MOSPD2: variants seen among roughly 807,000 people sequenced by gnomAD.
MOSPD2 encodes the protein motile sperm domain containing 2, also known as motile sperm domain-containing protein 2.
A neutral mutation model predicts 41.7 loss-of-function variants in MOSPD2; 5 were observed. The ratio of observed to expected loss-of-function variants is 0.12; its 90% CI spans 0.06 to 0.25. MOSPD2 has a LOEUF of 0.25. Among genes scored for constraint, MOSPD2 ranks in the 10% least tolerant of loss-of-function variants. The pLI, the probability that MOSPD2 is intolerant of heterozygous loss-of-function variation, is 1.00. For synonymous variants in MOSPD2, 115 were observed against 126.9 expected (o/e 0.91, Z 0.63); for missense variants, 282 against 375.2 (o/e 0.75, Z 2.05).
intron 3 of MOSPD2, among the ~76,000 whole-genome samples, chrX:14,893,578 C>G (rs753649518): frequency 3.6e-5 from 4 of 112,026 alleles, no homozygotes; most frequent in Non-Finnish European, 7.5e-5. Context: ...GGCATAACTT[C>G]TGTTTTCAGT....
chrX:14,882,646 G>A (rs1296685050), intron 2 of MOSPD2, among the ~76,000 whole-genome samples: 3 of 111,337 alleles, frequency 2.7e-5, no homozygotes, highest in African/African-American at 9.8e-5. Context: ...ACCAATTTTT[G>A]TCCTTATTAC....
At position 14,897,155 on chromosome X, in the gene MOSPD2, T is replaced by A; in HGVS notation, c.394T>A (p.Trp132Arg). 8.3e-7 allele frequency: 1 copy of A among 1,207,273 alleles called. No homozygotes were observed. The highest frequency in any genetic ancestry group is 1.1e-6 in the Non-Finnish European group (1 of 891,671). Residue 132 changes from tryptophan (W) to arginine (R), a missense_variant, in exon 5 of 15, where the codon TGG becomes AGG. Physicochemically the swap from Trp to Arg is moderately radical, Grantham distance 101. Coordinates refer to ENST00000380492, the MANE Select transcript of MOSPD2 (RefSeq NM_152581.4). Reference protein sequence around the residue: ...ILDKKKLIAFWLERYAKRENG... With the variant: ...ILDKKKLIAFRLERYAKRENG... ...GGACAAAAAGAAGCTCATAGCATTC[T>A]GGTTGGAACGTTATGCTAAGAGGGA...
intron 2 of MOSPD2, among the ~76,000 whole-genome samples, chrX:14,882,355 G>T (rs751101376): frequency 9.0e-6 from 1 of 110,902 alleles, no homozygotes; most frequent in Non-Finnish European, 1.9e-5. Flanking sequence ...GGGTTGAGGC[G>T]GGAGATTCAA....
At chrX:14,904,079 G>A (rs2092577666) in intron 7 of MOSPD2, among the ~76,000 whole-genome samples, 1 of 112,062 alleles carries the variant, frequency 8.9e-6, no homozygotes, top group African/African-American at 3.2e-5. Context: ...AATATTTAAA[G>A]AAGAATCAAC....
intron 2 of MOSPD2, among the ~76,000 whole-genome samples, chrX:14,883,067 T>C (rs1306618138): frequency 1.8e-5 from 2 of 110,244 alleles, no homozygotes; most frequent in Non-Finnish European, 3.8e-5. Context: ...TGGTGGTGGG[T>C]GCCTGTAATC....
intron 4 of MOSPD2, among the ~76,000 whole-genome samples, chrX:14,895,607 A>T (rs2092561696): frequency 8.9e-6 from 1 of 111,983 alleles, no homozygotes; most frequent in Admixed American, 9.5e-5. Flanking sequence ...ATAAAGGCAA[A>T]AAATAAATGC....
intron 1 of MOSPD2, 37 bp downstream of exon 1, chrX:14,873,574 C>T (rs1202305025): frequency 1.7e-6 from 2 of 1,210,070 alleles, no homozygotes; most frequent in Non-Finnish European, 2.2e-6. Context: ...GCCCCCCGGA[C>T]CCGGAAGCCG....
intron 2 of MOSPD2, among the ~76,000 whole-genome samples, chrX:14,876,978 A>G (rs2092521511): frequency 1.8e-5 from 2 of 112,099 alleles, no homozygotes; most frequent in South Asian, 3.6e-4. Context: ...TCAGCCAGGT[A>G]GAGAAGGTGA....
chrX:14,901,795 C>T (rs2092573627), intron 6 of MOSPD2, among the ~76,000 whole-genome samples: 1 of 110,357 alleles, frequency 9.1e-6, no homozygotes, highest in Non-Finnish European at 1.9e-5. Context: ...GAAAAAATAT[C>T]CACTTGATCA....
At chrX:14,893,370 G>A (rs1164803366) in intron 3 of MOSPD2, 3 of 111,682 alleles carry the variant, frequency 2.7e-5, no homozygotes, top group Non-Finnish European at 5.6e-5. Context: ...TCTGTATATT[G>A]TTTTTATTTT....
intron 2 of MOSPD2, among the ~76,000 whole-genome samples, chrX:14,885,941 G>C (rs973395008): frequency 1.8e-5 from 2 of 111,684 alleles, no homozygotes; most frequent in African/African-American, 6.5e-5. Flanking sequence ...TCTACTAGGG[G>C]ATAGACTTGT....
At chrX:14,890,066 A>G (rs901614437) in intron 2 of MOSPD2, among the ~76,000 whole-genome samples, 1 of 111,756 alleles carries the variant, frequency 8.9e-6, no homozygotes, top group Non-Finnish European at 1.9e-5. Flanking sequence ...CTAAGATATC[A>G]TTTGCCTTTT....
At chrX:14,897,347 T>A (rs1201674277) in intron 5 of MOSPD2, 109 bp downstream of exon 5, 1 of 586,666 alleles carries the variant, frequency 1.7e-6, no homozygotes, top group Non-Finnish European at 2.6e-6. Context: ...AACTAACTTA[T>A]ATTAGGGATT....
At position 14,916,187 on chromosome X, in the gene MOSPD2, T is replaced by G; in HGVS notation, c.1187-10T>G. The G allele has an allele frequency of 8.3e-7, 1 of 1,211,541 alleles. No homozygotes were observed. The highest frequency in any genetic ancestry group is 1.1e-6 in the Non-Finnish European group (1 of 895,304). ...CTGTTTATATGCTGAATTACCCTTTTGGAATGCAGGTTTAACAGTCTCTGC... is the reference window on the plus strand; with the variant it reads ...CTGTTTATATGCTGAATTACCCTTTGGGAATGCAGGTTTAACAGTCTCTGC... On this transcript the variant is annotated splice_polypyrimidine_tract_variant and intron_variant, in intron 12 of 14. Coordinates refer to ENST00000380492, the MANE Select transcript of MOSPD2 (RefSeq NM_152581.4).
intron 2 of MOSPD2, among the ~76,000 whole-genome samples, chrX:14,887,236 C>T (rs992901689): frequency 2.7e-5 from 3 of 112,236 alleles, no homozygotes; most frequent in Non-Finnish European, 5.6e-5. Context: ...TTTTTTCAAC[C>T]TTTATCTGAA....
chrX:14,888,128 G>A (rs188825000), intron 2 of MOSPD2, among the ~76,000 whole-genome samples: 44 of 108,373 alleles, frequency 4.1e-4, no homozygotes, highest in African/African-American at 1.4e-3. Flanking sequence ...TGTTTTTGAT[G>A]TGGTTTTCAC....
intron 2 of MOSPD2, among the ~76,000 whole-genome samples, chrX:14,886,756 TCCCA>T (rs2092542361): frequency 9.0e-6 from 1 of 111,611 alleles, no homozygotes; most frequent in Non-Finnish European, 1.9e-5. Context: ...AATTGTCAGA[TCCCA>T]CCCAGAATTA....
chrX:14,886,718 C>G (rs2092542220), intron 2 of MOSPD2, among the ~76,000 whole-genome samples: 1 of 111,789 alleles, frequency 8.9e-6, no homozygotes, highest in Admixed American at 9.5e-5. Flanking sequence ...GCAGCATCAG[C>G]AGTATGTAGG....
chrX:14,909,049 C>G, intron 8 of MOSPD2, 65 bp downstream of exon 8: 2 of 927,574 alleles, frequency 2.2e-6, no homozygotes, highest in Non-Finnish European at 2.8e-6. Context: ...GTATACTTTC[C>G]TCAAGGGAAA....
Sources: allele counts gnomAD v4.1 joint callset (sites outside exome capture counted in the v4.1 genomes callset), GRCh38; gene constraint gnomAD v4.1.1; transcripts MANE v1.5; gene names NCBI Gene and HGNC (gene_info 2026-07-23, HGNC 2026-07-21).